Variants in SND1 observed in about 807,000 individuals in gnomAD.
SND1 encodes the protein staphylococcal nuclease domain-containing protein 1.
A neutral mutation model predicts 121.7 loss-of-function variants in SND1; 38 were observed. That is an observed-to-expected ratio of 0.31 (90% CI 0.24 to 0.41). SND1 has a LOEUF of 0.41. Ranked by LOEUF, SND1 falls within the 10% of genes least tolerant of loss-of-function variation. SND1 has a pLI of 1.00. For synonymous variants in SND1, 401 were observed against 447.4 expected, an observed-to-expected ratio of 0.90 and a Z score of 1.31; for missense variants, 868 against 1,184.6, an observed-to-expected ratio of 0.73 and a Z score of 3.92.
intron 13 of SND1, 59 bp downstream of exon 13, chr7:127,888,071 A>G: frequency 8.6e-7 from 1 of 1,163,530 alleles, no homozygotes. Flanking sequence ...TTTCTTTCCC[A>G]GTTTTGTGCC....
intron 11 of SND1, among the ~76,000 whole-genome samples, chr7:127,818,733 C>A (rs1798493294): frequency 6.6e-6 from 1 of 152,180 alleles, no homozygotes; most frequent in Admixed American, 6.5e-5. Context: ...AGTGAAACAG[C>A]AGAGTTTCCT....
At chr7:127,754,295 G>C (rs1797155636) in intron 10 of SND1, among the ~76,000 whole-genome samples, 1 of 152,166 alleles carries the variant, frequency 6.6e-6, no homozygotes, top group Admixed American at 6.5e-5. Context: ...ATCCTATTGT[G>C]CCTCTCTGAT....
intron 16 of SND1, among the ~76,000 whole-genome samples, chr7:128,001,211 C>G (rs1802818426): frequency 6.6e-6 from 1 of 152,212 alleles, no homozygotes; most frequent in East Asian, 1.9e-4. Flanking sequence ...GAATTAAGAA[C>G]AGAGATACCC....
chr7:128,063,312 G>A (rs1793261744), intron 16 of SND1, among the ~76,000 whole-genome samples: 3 of 152,318 alleles, frequency 2.0e-5, no homozygotes, highest in Middle Eastern at 6.8e-3. Context: ...GTCAGTACAG[G>A]CAAAGCCAAG....
chr7:127,886,949 A>T (rs946056865), intron 12 of SND1, among the ~76,000 whole-genome samples: 2 of 151,844 alleles, frequency 1.3e-5, no homozygotes, highest in Non-Finnish European at 2.9e-5. Flanking sequence ...TTGCTCCAAA[A>T]CTGGTCATCT....
chr7:127,669,034 C>A (rs963783784), intron 1 of SND1, among the ~76,000 whole-genome samples: 1 of 152,120 alleles, frequency 6.6e-6, no homozygotes, highest in African/African-American at 2.4e-5. Context: ...GCTCTGTTGC[C>A]CAGGCTGGAG....
chr7:127,901,390 T>C (rs553965201), intron 13 of SND1, among the ~76,000 whole-genome samples: 1 of 152,280 alleles, frequency 6.6e-6, no homozygotes, highest in East Asian at 1.9e-4. Context: ...CCAGATACTC[T>C]TTCGTGGAGA....
rs534160674 is a variant in SND1, at chr7:128,064,022, G to T, written c.1780-10480G>T. Among the ~76,000 whole-genome samples the T allele has an allele frequency of 1.2e-4, 19 of 152,338 alleles. 1 individual carries two copies. The South Asian group carries it at 3.9e-3, about 32-fold the overall frequency. On this transcript the variant is annotated intron_variant, in intron 16 of 23. Coordinates refer to ENST00000354725, the MANE Select transcript of SND1 (RefSeq NM_014390.4). ...ACAAGGAAAGGATTTCAGCAGAAGG[G>T]TGAAGTGATCAGATTGGGAAATTTT...
intron 10 of SND1, among the ~76,000 whole-genome samples, chr7:127,782,156 C>T (rs997515314): frequency 6.6e-6 from 1 of 152,186 alleles, no homozygotes; most frequent in Non-Finnish European, 1.5e-5. Flanking sequence ...GTCTGACTTC[C>T]TATTGTTTCT....
intron 15 of SND1, among the ~76,000 whole-genome samples, chr7:127,979,341 C>T (rs952765754): frequency 6.6e-6 from 1 of 152,166 alleles, no homozygotes; most frequent in East Asian, 1.9e-4. Flanking sequence ...GGAGCAATGG[C>T]GAGAGCACAC....
intron 14 of SND1, among the ~76,000 whole-genome samples, chr7:127,916,660 T>C (rs1075206): frequency 0.9 from 136,282 of 152,182 alleles, 61,335 homozygotes; most frequent in African/African-American, 0.98. Context: ...ATAAATCAGG[T>C]GAGTATAATG....
chr7:128,084,901 T>G (rs1793663366), intron 19 of SND1, 54 bp downstream of exon 19: 1 of 1,544,786 alleles, frequency 6.5e-7, no homozygotes, highest in Admixed American at 1.8e-5. Flanking sequence ...ATAGCAGGGC[T>G]GTCCTCAGGC....
chr7:127,867,509 ACTCAAATGATCGCGTCT>A (rs1289000091), intron 12 of SND1, among the ~76,000 whole-genome samples: 1 of 151,878 alleles, frequency 6.6e-6, no homozygotes, highest in African/African-American at 2.4e-5. Context: ...CTGTTCCTTT[ACTCAAATGATCGCGTCT>A]TTTGATGGTG....
intron 1 of SND1, among the ~76,000 whole-genome samples, chr7:127,671,968 C>T (rs553742274): frequency 6.6e-6 from 1 of 152,318 alleles, no homozygotes; most frequent in African/African-American, 2.4e-5. Context: ...TGAGTGAAAG[C>T]TGAAACAAGA....
In SND1 at chr7:127,652,221, T is replaced by C. The variant is rs940163024; in HGVS notation, c.-153T>C. On this transcript the variant is annotated 5_prime_UTR_variant, in exon 1 of 24. Transcript: ENST00000354725. ...CTTTCGCTCCGTGTCCCGCTGCTGC[T>C]CCTGTGAGCGCCCGGCGAGTCCGTC... 4 of 704,876 alleles carry C rather than the reference T, an allele frequency of 5.7e-6. No individual in the cohort carries two copies. The African/African-American group carries it at 7.0e-5, about 12-fold the overall frequency. 43.7% of individuals were successfully genotyped at this position (704,876 alleles called of 1,614,324 possible). A position where few individuals can be genotyped will look rare whatever the true frequency, so the allele number is the denominator to read the frequency against.
chr7:127,662,967 T>C (rs1261446764), intron 1 of SND1, among the ~76,000 whole-genome samples: 1 of 150,406 alleles, frequency 6.6e-6, no homozygotes, highest in East Asian at 2.0e-4. Context: ...CATGGCTTAC[T>C]GCAGCCTCAA....
chr7:127,911,405 C>T (rs1297460768), intron 14 of SND1, among the ~76,000 whole-genome samples: 1 of 152,162 alleles, frequency 6.6e-6, no homozygotes, highest in Non-Finnish European at 1.5e-5. Flanking sequence ...GATGGGGTCT[C>T]ACTTTGTTGT....
At chr7:128,006,752 C>T (rs1000682339) in intron 16 of SND1, among the ~76,000 whole-genome samples, 6 of 152,226 alleles carry the variant, frequency 3.9e-5, no homozygotes, top group Non-Finnish European at 8.8e-5. Flanking sequence ...CCAGAAACTC[C>T]TGCCTATGTA....
chr7:127,780,676 A>G (rs1797704057), intron 10 of SND1, among the ~76,000 whole-genome samples: 1 of 152,242 alleles, frequency 6.6e-6, no homozygotes, highest in African/African-American at 2.4e-5. Context: ...TTGCTCACTA[A>G]TCATAATGAC....
Sources: gnomAD v4.1 joint callset for allele counts (sites outside exome capture counted in the v4.1 genomes callset) on GRCh38, gnomAD v4.1.1 for gene constraint, MANE v1.5 for transcripts, NCBI Gene and HGNC (gene_info 2026-07-23, HGNC 2026-07-21) for gene names.